The following MOSPD2 variants were observed in gnomAD, a reference collection of about 807,000 sequenced individuals.
MOSPD2 encodes the protein motile sperm domain containing 2.
MOSPD2 carries 5 observed loss-of-function variants against 41.7 expected under a neutral mutation model. That is an observed-to-expected ratio of 0.12 (90% CI 0.06 to 0.25). The LOEUF is 0.25. MOSPD2 is among the 10% of genes least tolerant of loss of function. The pLI is 1.00. For missense variants in MOSPD2, 282 were observed against 375.2 expected, an observed-to-expected ratio of 0.75 and a Z score of 2.05; for synonymous variants, 115 against 126.9, an observed-to-expected ratio of 0.91 and a Z score of 0.63.
intron 2 of MOSPD2, among the ~76,000 whole-genome samples, chrX:14,890,940 G>C (rs2092552450): frequency 8.9e-6 from 1 of 111,859 alleles, no homozygotes; most frequent in African/African-American, 3.3e-5. Flanking sequence ...TGAACCTTAG[G>C]AGGGTATGAC....
intron 13 of MOSPD2, 88 bp downstream of exon 13, chrX:14,916,414 C>T: frequency 8.6e-7 from 1 of 1,158,979 alleles, no homozygotes; most frequent in Non-Finnish European, 1.2e-6. Flanking sequence ...GCCTCCCTTT[C>T]TTCTTGCATC....
In MOSPD2 at chrX:14,873,479, CG is replaced by C; in HGVS notation, c.-48del. 2 of 1,210,870 alleles carry C rather than the reference CG, an allele frequency of 1.7e-6. No homozygotes were observed. Among genetic ancestry groups the C allele is most frequent in the Non-Finnish European group, 2.2e-6 (2 of 894,604 alleles). ...GGGTGATGAGATACTCGGTCGGCGA[CG>C]GTAGAACGGGCGACGGCGACAACCG... On this transcript the variant is annotated 5_prime_UTR_variant, in exon 1 of 15. Coordinates refer to ENST00000380492, the MANE Select transcript of MOSPD2 (RefSeq NM_152581.4).
chrX:14,892,105 T>A (rs761480158), intron 2 of MOSPD2, among the ~76,000 whole-genome samples: 36 of 111,971 alleles, frequency 3.2e-4, no homozygotes, highest in African/African-American at 1.1e-3. Context: ...AGTCTTTAGA[T>A]AACGCATTCT....
rs779841360 is a variant in MOSPD2 at position 14,897,238 on chromosome X, T to A, written c.477T>A (p.Ile159=). Residue 159 remains isoleucine, a splice_region_variant and synonymous_variant, in exon 5 of 15, where the codon ATT becomes ATA. Coordinates refer to ENST00000380492, the MANE Select transcript of MOSPD2 (RefSeq NM_152581.4). The part of the protein sequence containing the change: ...FDLSETGINS[I]DMDFVRFIIN... Reference sequence around the variant, plus strand: ...TGTCAGAAACTGGAATAAATAGCATTGTAAGCATTTTTTCATTCATTCCAA... The same window carrying A: ...TGTCAGAAACTGGAATAAATAGCATAGTAAGCATTTTTTCATTCATTCCAA... 2 of 1,185,697 alleles carry A rather than the reference T, an allele frequency of 1.7e-6. No homozygotes were observed. Among genetic ancestry groups the A allele is most frequent in the African/African-American group, 3.5e-5 (2 of 56,389 alleles).
chrX:14,916,597 C>CAT (rs775795116), intron 13 of MOSPD2, among the ~76,000 whole-genome samples: 52 of 112,201 alleles, frequency 4.6e-4, no homozygotes, highest in Non-Finnish European at 8.1e-4. Flanking sequence ...GCTTACCTTA[C>CAT]ATACTAGAAT....
chrX:14,894,369 G>A (rs1273469157), intron 3 of MOSPD2, among the ~76,000 whole-genome samples: 1 of 101,635 alleles, frequency 9.8e-6, no homozygotes, highest in African/African-American at 3.7e-5. Flanking sequence ...CCAGGCTGGA[G>A]TGCATGGCGT....
intron 10 of MOSPD2, among the ~76,000 whole-genome samples, chrX:14,913,405 C>G (rs1379197172): frequency 9.0e-6 from 1 of 111,590 alleles, no homozygotes; most frequent in Admixed American, 9.6e-5. Flanking sequence ...CCTCCGCCCC[C>G]GGTGAAGTCC....
chrX:14,877,584 G>A (rs746805829), intron 2 of MOSPD2, among the ~76,000 whole-genome samples: 1 of 109,238 alleles, frequency 9.2e-6, no homozygotes, highest in Non-Finnish European at 1.9e-5. Flanking sequence ...TCAGGTGATC[G>A]CCTGCCTCGG....
intron 11 of MOSPD2, among the ~76,000 whole-genome samples, chrX:14,915,011 T>C (rs2092597954): frequency 8.9e-6 from 1 of 111,948 alleles, no homozygotes; most frequent in South Asian, 3.7e-4. Flanking sequence ...ATTAACCTGA[T>C]ACTGAGCATT....
chrX:14,913,406 G>A (rs1163659102), intron 10 of MOSPD2, among the ~76,000 whole-genome samples: 4 of 111,406 alleles, frequency 3.6e-5, no homozygotes, highest in African/African-American at 9.8e-5. Context: ...CTCCGCCCCC[G>A]GTGAAGTCCC....
chrX:14,883,487 T>G lies in MOSPD2; in HGVS notation c.80-9236T>G, dbSNP rs768515366. Among the ~76,000 whole-genome samples the G allele has an allele frequency of 4.5e-5, 5 of 112,227 alleles. No homozygotes were observed. In the Admixed American group the frequency reaches 4.7e-4, roughly 11 times the overall value. On this transcript the variant is annotated intron_variant, in intron 2 of 14. Transcript: ENST00000380492. ...TGCAAGGAATAGGAGGACAAAAATT[T>G]GCTACATTTCAATCAAAACTAGTTT...
chrX:14,875,235 A>C (rs144025603), intron 2 of MOSPD2, among the ~76,000 whole-genome samples: 272 of 112,586 alleles, frequency 2.4e-3, no homozygotes, highest in Middle Eastern at 0.014. Context: ...TCACTACAGT[A>C]ATCTTTTGGC....
chrX:14,883,633 C>CTGCT (rs1461898521), intron 2 of MOSPD2, among the ~76,000 whole-genome samples: 1 of 112,101 alleles, frequency 8.9e-6, no homozygotes, highest in African/African-American at 3.2e-5. Flanking sequence ...ACCCATTATA[C>CTGCT]TGCTATATAT....
At chrX:14,888,206 GCA>G (rs775166629) in intron 2 of MOSPD2, among the ~76,000 whole-genome samples, 2,429 of 56,685 alleles carry the variant, frequency 0.043, 42 homozygotes, top group Middle Eastern at 0.12. Flanking sequence ...ACACACACAC[GCA>G]CACACACACA....
At chrX:14,881,551 C>T (rs1051053114) in intron 2 of MOSPD2, among the ~76,000 whole-genome samples, 6 of 111,891 alleles carry the variant, frequency 5.4e-5, no homozygotes, top group Non-Finnish European at 7.5e-5. Flanking sequence ...AGCTCAGGCT[C>T]CACTCATCTT....
rs2092608360 is a variant in MOSPD2 at position 14,920,839 on chromosome X, A to AAT, written c.*1031_*1032dup. On this transcript the variant is annotated 3_prime_UTR_variant, in exon 15 of 15. Transcript: ENST00000380492. The stretch of plus-strand genomic sequence containing the variant: ...TGTAAAAGTCAGCCCATGACAAGGA[A>AAT]ATTTACAAAATACTAGAGTATCTAG... 1 of 751,444 alleles carries AAT rather than the reference A, an allele frequency of 1.3e-6. No individual in the cohort carries two copies. 61.9% of individuals were successfully genotyped at this position (751,444 alleles called of 1,213,427 possible).
At chrX:14,878,196 C>T (rs2092524810) in intron 2 of MOSPD2, among the ~76,000 whole-genome samples, 1 of 111,157 alleles carries the variant, frequency 9.0e-6, no homozygotes, top group African/African-American at 3.3e-5. Flanking sequence ...GTTTTTTGTG[C>T]AGTAGTTGAG....
At chrX:14,916,134 C>T in intron 12 of MOSPD2, 63 bp from the exon 13 acceptor site, 3 of 1,197,683 alleles carry the variant, frequency 2.5e-6, no homozygotes, top group East Asian at 3.0e-5. Context: ...CTTTAAACCA[C>T]ATGCATATCC....
chrX:14,883,066 G>A (rs1203660919), intron 2 of MOSPD2, among the ~76,000 whole-genome samples: 1 of 110,367 alleles, frequency 9.1e-6, no homozygotes, highest in African/African-American at 3.3e-5. Flanking sequence ...GTGGTGGTGG[G>A]TGCCTGTAAT....
Sources: gnomAD v4.1 joint callset for allele counts (sites outside exome capture counted in the v4.1 genomes callset) on GRCh38, gnomAD v4.1.1 for gene constraint, MANE v1.5 for transcripts, NCBI Gene and HGNC (gene_info 2026-07-23, HGNC 2026-07-21) for gene names.